Variants in PARP14 observed in about 807,000 individuals in gnomAD.
PARP14 encodes poly(ADP-ribose) polymerase family member 14, also known as protein mono-ADP-ribosyltransferase PARP14.
PARP14 carries 59 observed loss-of-function variants against 154.2 expected under a neutral mutation model. That is an observed-to-expected ratio of 0.38 (90% CI 0.31 to 0.48). PARP14 has a LOEUF of 0.48. Among genes scored for constraint, PARP14 ranks in the 20% least tolerant of loss-of-function variants. The probability of loss-of-function intolerance (pLI) is 0.98; values close to 1 mark genes in which losing one functional copy is unlikely to be tolerated. For synonymous variants in PARP14, 720 were observed against 780.5 expected, an observed-to-expected ratio of 0.92 and a Z score of 1.29; for missense variants, 1,734 against 2,131.6, an observed-to-expected ratio of 0.81 and a Z score of 3.67.
At chr3:122,699,272 C>T in intron 5 of PARP14, 118 bp from the exon 6 acceptor site, 2 of 576,496 alleles carry the variant, frequency 3.5e-6, no homozygotes, top group Non-Finnish European at 5.9e-6. Flanking sequence ...TTATTTCTTT[C>T]CTTTAAGTGT....
chr3:122,692,322 C>G lies in PARP14; in HGVS notation c.377C>G (p.Thr126Arg), dbSNP rs938124327. 13 of 1,611,708 alleles carry G rather than the reference C, an allele frequency of 8.1e-6. No homozygotes were observed. Among genetic ancestry groups the G allele is most frequent in the Middle Eastern group, 1.6e-4 (1 of 6,068 alleles). The change falls in exon 4 of 17, where the codon ACA (threonine) becomes AGA (arginine). Residue 126 changes from threonine (T) to arginine (R), a missense_variant. Around this residue, in one of 2 missense-constraint regions of PARP14, gnomAD observed 1,646 missense variants for 1,976.0 expected, o/e 0.83. Transcript: ENST00000474629. Reference protein sequence around the residue: ...KEPDVSEELDTKLPLDGGLDK... With the variant: ...KEPDVSEELDRKLPLDGGLDK... The stretch of plus-strand genomic sequence containing the variant: ...TCAGATGTGTCAGAAGAATTGGATA[C>G]AAAACTCCCTCTTGATGGTGGATTA...
chr3:122,694,896 A>C (rs1452877331), intron 4 of PARP14, among the ~76,000 whole-genome samples: 3 of 152,094 alleles, frequency 2.0e-5, no homozygotes, highest in Non-Finnish European at 4.4e-5. Flanking sequence ...AGAGAAGAGC[A>C]TTCCAAATGC....
chr3:122,685,937 T>C (rs939647195), intron 2 of PARP14, among the ~76,000 whole-genome samples: 2 of 152,192 alleles, frequency 1.3e-5, no homozygotes, highest in Non-Finnish European at 2.9e-5. Context: ...TAACCTGTTA[T>C]ATTTGTTTTA....
chr3:122,726,510 T>C (rs557593978), intron 15 of PARP14, among the ~76,000 whole-genome samples: 1 of 152,318 alleles, frequency 6.6e-6, no homozygotes, highest in Non-Finnish European at 1.5e-5. Flanking sequence ...CTCTAGCTCT[T>C]CTAGTAGTTG....
In PARP14 at chr3:122,710,791, T is replaced by TTTTATTTA. The variant is rs59634432; in HGVS notation, c.3619+2567_3619+2574dup. Among the ~76,000 whole-genome samples, 292 of 140,078 alleles carry TTTTATTTA rather than the reference T, an allele frequency of 2.1e-3. 1 individual carries two copies. Among genetic ancestry groups the TTTTATTTA allele is most frequent in the East Asian group, 6.1e-3 (29 of 4,790 alleles). The allele number at this position is 140,078 out of a possible 152,430, so 91.9% of individuals were successfully genotyped here. A position where few individuals can be genotyped will look rare whatever the true frequency, so the allele number is the denominator to read the frequency against. ...CCTTGGTTAAGTATATTCCTAGGTA[T>TTTTATTTA]TTTATTTATTTATTTATTTATTTAT... On this transcript the variant is annotated intron_variant, in intron 9 of 16. Coordinates refer to ENST00000474629, the MANE Select transcript of PARP14 (RefSeq NM_017554.3).
chr3:122,728,845 G>C lies in PARP14; in HGVS notation c.*248G>C, dbSNP rs1403004571. 9 of 432,084 alleles carry C rather than the reference G, an allele frequency of 2.1e-5. No homozygotes were observed. The highest frequency in any genetic ancestry group is 3.8e-5 in the Non-Finnish European group (9 of 237,036). 26.8% of individuals were successfully genotyped at this position (432,084 alleles called of 1,614,324 possible). A position where few individuals can be genotyped will look rare whatever the true frequency, so the allele number is the denominator to read the frequency against. ...TTGCAACTGTGTGTCCACAAGTATG[G>C]ACATCAAATCTGTGGGAAAAGAACA... On this transcript the variant is annotated 3_prime_UTR_variant, in exon 17 of 17. Transcript: ENST00000474629.
intron 9 of PARP14, among the ~76,000 whole-genome samples, chr3:122,709,175 C>T (rs1157445860): frequency 6.6e-6 from 1 of 151,984 alleles, no homozygotes; most frequent in African/African-American, 2.4e-5. Context: ...ATACTGTACC[C>T]GTTATGTAGT....
At chr3:122,724,595 G>C (rs377446412) in intron 15 of PARP14, among the ~76,000 whole-genome samples, 2 of 148,934 alleles carry the variant, frequency 1.3e-5, no homozygotes, top group East Asian at 3.9e-4. Flanking sequence ...GTGAGCCACA[G>C]CACCCAGCCA....
At chr3:122,713,826 G>A in intron 10 of PARP14, 46 bp from the exon 11 acceptor site, 1 of 1,335,268 alleles carries the variant, frequency 7.5e-7, no homozygotes, top group Non-Finnish European at 1.1e-6. Flanking sequence ...ATATACCATA[G>A]TGGTTTTTTA....
At chr3:122,717,473 G>GTCA (rs1470361322) in intron 12 of PARP14, among the ~76,000 whole-genome samples, 1 of 152,146 alleles carries the variant, frequency 6.6e-6, no homozygotes, top group Non-Finnish European at 1.5e-5. Context: ...GAGTGTGGAG[G>GTCA]GAAAGGCTTC....
chr3:122,683,991 C>A (rs1031841924), intron 1 of PARP14, among the ~76,000 whole-genome samples: 6 of 152,196 alleles, frequency 3.9e-5, no homozygotes, highest in Non-Finnish European at 8.8e-5. Context: ...GAAACATCTG[C>A]CCTCCTCATA....
At chr3:122,713,267 C>T (rs749514037) in intron 9 of PARP14, among the ~76,000 whole-genome samples, 157 bp from the exon 10 acceptor site, 1 of 152,174 alleles carries the variant, frequency 6.6e-6, no homozygotes, top group South Asian at 2.1e-4. Flanking sequence ...TTAAACAGAT[C>T]ATCACTGAGG....
chr3:122,699,699 C>T lies in PARP14; in HGVS notation c.1145C>T (p.Thr382Ile). The T allele has an allele frequency of 6.2e-7, 1 of 1,614,022 alleles. No homozygotes were observed. The highest frequency in any genetic ancestry group is 8.5e-7 in the Non-Finnish European group (1 of 1,179,894). ...LVNEGRPRIKTWQADTSTTLS... is the reference protein window; with the variant it reads ...LVNEGRPRIKIWQADTSTTLS... Reference sequence around the variant, plus strand: ...AATGAAGGAAGACCGAGAATCAAGACCTGGCAGGCAGATACTTCCACAACA... The same window carrying T: ...AATGAAGGAAGACCGAGAATCAAGATCTGGCAGGCAGATACTTCCACAACA... Residue 382 changes from threonine (T) to isoleucine (I), a missense_variant, in exon 6 of 17, where the codon ACC becomes ATC. Physicochemically the swap from Thr to Ile is moderately conservative, Grantham distance 89. Around this residue, in one of 2 missense-constraint regions of PARP14, gnomAD observed 1,646 missense variants for 1,976.0 expected, o/e 0.83. Transcript: ENST00000474629.
chr3:122,720,363 C>A lies in PARP14; in HGVS notation c.4916C>A (p.Thr1639Asn). The change falls in exon 15 of 17, where the codon ACC becomes AAC. Residue 1639 changes from threonine (T) to asparagine (N), a missense_variant. Around this residue, in one of 2 missense-constraint regions of PARP14, gnomAD observed 1,646 missense variants for 1,976.0 expected, o/e 0.83. Coordinates refer to ENST00000474629, the MANE Select transcript of PARP14 (RefSeq NM_017554.3). ...ACGGTGGCAAGCAAGTTTAATCAGA[C>A]CTGCTCACACTTCAGAATAGAGAAG... ...YNTVASKFNQ[T>N]CSHFRIEKIE... is the part of the protein sequence containing the mutation. The A allele has an allele frequency of 1.2e-6, 2 of 1,613,036 alleles. No individual in the cohort carries two copies. Among genetic ancestry groups the A allele is most frequent in the African/African-American group, 1.3e-5 (1 of 75,026 alleles).
At chr3:122,696,496 T>C (rs900406876) in intron 5 of PARP14, among the ~76,000 whole-genome samples, 14 of 152,184 alleles carry the variant, frequency 9.2e-5, no homozygotes, top group African/African-American at 3.4e-4. Context: ...TAAAATGGAA[T>C]GAAAGACCTA....
At chr3:122,723,509 A>G (rs570235516) in intron 15 of PARP14, among the ~76,000 whole-genome samples, 3 of 152,294 alleles carry the variant, frequency 2.0e-5, no homozygotes, top group Admixed American at 6.5e-5. Flanking sequence ...TAGATTCTAG[A>G]CTTATCTGAT....
At chr3:122,708,300 T>G in intron 9 of PARP14, 32 bp downstream of exon 9, 1 of 1,181,154 alleles carries the variant, frequency 8.5e-7, no homozygotes, top group South Asian at 1.3e-5. Flanking sequence ...GAGAAGTGAT[T>G]TCTAGTTGCT....
At chr3:122,689,065 C>T (rs974565969) in intron 3 of PARP14, among the ~76,000 whole-genome samples, 2 of 152,140 alleles carry the variant, frequency 1.3e-5, no homozygotes, top group Admixed American at 6.5e-5. Flanking sequence ...TACCTGTGGT[C>T]GGAAATTCTG....
chr3:122,704,460 C>T, intron 7 of PARP14, 67 bp from the exon 8 acceptor site: 6 of 991,366 alleles, frequency 6.1e-6, no homozygotes, highest in Non-Finnish European at 9.2e-6. Context: ...TTGCTAAATT[C>T]TTGTCCTTTT....
Sources: gnomAD v4.1 joint callset for allele counts (sites outside exome capture counted in the v4.1 genomes callset) on GRCh38, gnomAD v4.1.1 for gene constraint, gnomAD v4.1.1 regional missense constraint, MANE v1.5 for transcripts, NCBI Gene and HGNC (gene_info 2026-07-23, HGNC 2026-07-21) for gene names.